The following LGSN variants were observed in gnomAD, a reference collection of about 807,000 sequenced individuals.
The protein encoded by LGSN is lengsin, lens protein with glutamine synthetase domain, also known as lengsin.
In LGSN, 21 loss-of-function variants were observed where a neutral mutation model predicts 19.5. The ratio of observed to expected loss-of-function variants is 1.07; its 90% CI spans 0.76 to 1.55. LGSN has a LOEUF of 1.55. LGSN is among the 40% of genes most tolerant of loss of function. LGSN has a pLI of 0.00. For synonymous variants in LGSN, 257 were observed against 215.6 expected, an observed-to-expected ratio of 1.19 and a Z score of -1.68; for missense variants, 673 against 608.5, an observed-to-expected ratio of 1.11 and a Z score of -1.12.
chr6:63,398,207 TAAAAAAA>T, the LGSN span, among the ~76,000 whole-genome samples: 1 of 109,746 alleles, frequency 9.1e-6, no homozygotes, highest in African/African-American at 2.9e-5. Context: ...TCCTATTTAC[TAAAAAAA>T]AAAAAAAAAA....
At chr6:63,408,329 G>T in the LGSN span, among the ~76,000 whole-genome samples, 2 of 149,578 alleles carry the variant, frequency 1.3e-5, no homozygotes, top group African/African-American at 2.5e-5. Flanking sequence ...TACCAAAACA[G>T]AGATATAGAT....
the LGSN span, chr6:63,441,340 TG>T: frequency 2.1e-6 from 1 of 477,802 alleles, no homozygotes. Context: ...CTCCAGCACC[TG>T]GCTCTCCTCA....
the LGSN span, among the ~76,000 whole-genome samples, chr6:63,487,881 T>C: frequency 6.6e-4 from 100 of 151,870 alleles, no homozygotes; most frequent in African/African-American, 2.3e-3. Flanking sequence ...CTTGGGAGGC[T>C]GAGCAGGAGA....
the LGSN span, among the ~76,000 whole-genome samples, chr6:63,531,923 C>T: frequency 6.6e-6 from 1 of 152,040 alleles, no homozygotes; most frequent in African/African-American, 2.4e-5. Context: ...GCCTCAGCCT[C>T]CCGAGTAGCT....
the LGSN span, among the ~76,000 whole-genome samples, chr6:63,536,822 A>G: frequency 3.3e-5 from 5 of 152,236 alleles, no homozygotes; most frequent in South Asian, 1.0e-3. Flanking sequence ...CATTTAAACT[A>G]TAACATATTT....
At chr6:63,441,707 A>G in the LGSN span, 6 of 436,658 alleles carry the variant, frequency 1.4e-5, no homozygotes, top group Admixed American at 2.7e-5. Flanking sequence ...GGAGCAGATC[A>G]TACCTACCAA....
At chr6:63,349,120 A>G in the LGSN span, among the ~76,000 whole-genome samples, 2 of 152,220 alleles carry the variant, frequency 1.3e-5, no homozygotes, top group African/African-American at 2.4e-5. Context: ...AGGAAGAGAA[A>G]CAGGAGTCCT....
chr6:63,518,071 A>G, the LGSN span, among the ~76,000 whole-genome samples: 1 of 151,710 alleles, frequency 6.6e-6, no homozygotes, highest in Non-Finnish European at 1.5e-5. Flanking sequence ...AGAATTGCTT[A>G]AACCCGGGAG....
the LGSN span, among the ~76,000 whole-genome samples, chr6:63,541,814 A>T: frequency 6.6e-6 from 1 of 152,098 alleles, no homozygotes; most frequent in Admixed American, 6.6e-5. Flanking sequence ...CAACCTCCTT[A>T]CACCCTTAAT....
the LGSN span, among the ~76,000 whole-genome samples, chr6:63,339,880 A>G: frequency 6.6e-6 from 1 of 151,924 alleles, no homozygotes; most frequent in Non-Finnish European, 1.5e-5. Flanking sequence ...TGTTTTCATG[A>G]TGTCAGATAG....
chr6:63,317,708 T>C (rs1302410394), intron 1 of LGSN, among the ~76,000 whole-genome samples: 2 of 152,212 alleles, frequency 1.3e-5, no homozygotes, highest in South Asian at 4.1e-4. Flanking sequence ...AGCAAGCCTC[T>C]AGAAGGTCAG....
chr6:63,326,152 T>C, the LGSN span, among the ~76,000 whole-genome samples: 1 of 152,038 alleles, frequency 6.6e-6, no homozygotes, highest in African/African-American at 2.4e-5. Context: ...TGTCGATTGG[T>C]GCGTTCACAA....
In LGSN at chr6:63,279,589, G is replaced by A. The variant is rs111544740; in HGVS notation, c.*432C>T. ...TTAGCGAGACTATATTAGTATATTTGTCTCCCTGGAAATCATAACCTATGT... is the reference window on the plus strand; with the variant it reads ...TTAGCGAGACTATATTAGTATATTTATCTCCCTGGAAATCATAACCTATGT... On this transcript the variant is annotated 3_prime_UTR_variant, in exon 4 of 4. Transcript: ENST00000370657. The A allele has an allele frequency of 0.035, 5,387 of 154,272 alleles. 325 individuals are homozygous for A. The highest frequency in any genetic ancestry group is 0.12 in the African/African-American group (5,101 of 41,488). 9.6% of individuals were successfully genotyped at this position (154,272 alleles called of 1,614,324 possible).
intron 1 of LGSN, among the ~76,000 whole-genome samples, chr6:63,308,099 G>A (rs1768471608): frequency 6.6e-6 from 1 of 152,214 alleles, no homozygotes; most frequent in Non-Finnish European, 1.5e-5. Context: ...GTACAGATAT[G>A]CAGTTTCATT....
chr6:63,374,209 G>A, the LGSN span, among the ~76,000 whole-genome samples: 3 of 152,028 alleles, frequency 2.0e-5, no homozygotes, highest in African/African-American at 7.2e-5. Context: ...GATACAGATA[G>A]AATGGTAAAA....
At chr6:63,444,595 A>G in the LGSN span, among the ~76,000 whole-genome samples, 1 of 152,222 alleles carries the variant, frequency 6.6e-6, no homozygotes, top group South Asian at 2.1e-4. Flanking sequence ...TCTGCCTCAT[A>G]GAGCCAGAAA....
chr6:63,440,965 G>C, the LGSN span: 3 of 156,756 alleles, frequency 1.9e-5, no homozygotes, highest in Non-Finnish European at 4.2e-5. Context: ...CCAACACTTT[G>C]AGAGGCCGAG....
chr6:63,404,539 A>T, the LGSN span, among the ~76,000 whole-genome samples: 1 of 152,144 alleles, frequency 6.6e-6, no homozygotes, highest in Admixed American at 6.6e-5. Flanking sequence ...AGATCAGGAC[A>T]CCAGCAGATT....
chr6:63,332,583 G>C, the LGSN span, among the ~76,000 whole-genome samples: 1 of 152,166 alleles, frequency 6.6e-6, no homozygotes, highest in Non-Finnish European at 1.5e-5. Context: ...GTTGGGGGTT[G>C]TTAGAGAGCC....
Sources: gnomAD v4.1 joint callset for allele counts (sites outside exome capture counted in the v4.1 genomes callset) on GRCh38, gnomAD v4.1.1 for gene constraint, MANE v1.5 for transcripts, NCBI Gene and HGNC (gene_info 2026-07-23, HGNC 2026-07-21) for gene names.